The following CDH13 variants were observed in gnomAD, a reference collection of about 807,000 sequenced individuals.
The protein encoded by CDH13 is cadherin 13.
A neutral mutation model predicts 63.8 loss-of-function variants in CDH13; 24 were observed. The observed-to-expected ratio is 0.38, with a 90% CI of 0.27 to 0.53. The LOEUF (loss-of-function observed/expected upper bound fraction) is 0.53, where lower values mean the gene tolerates loss of function less well. Ranked by LOEUF, CDH13 falls within the 20% of genes least tolerant of loss-of-function variation. The pLI is 0.85. For missense variants in CDH13, 1,049 were observed against 903.1 expected, an observed-to-expected ratio of 1.16 and a Z score of -2.07; for synonymous variants, 503 against 355.3, an observed-to-expected ratio of 1.42 and a Z score of -4.67.
At chr16:82,777,916 G>T (rs1289781611) in intron 1 of CDH13, among the ~76,000 whole-genome samples, 1 of 152,118 alleles carries the variant, frequency 6.6e-6, no homozygotes, top group Non-Finnish European at 1.5e-5. Flanking sequence ...AACTTGATTC[G>T]TCAGAGAAAA....
At position 83,747,923 on chromosome 16, in the gene CDH13, C is replaced by A. The variant is rs1275237019; in HGVS notation, c.1539-185C>A. Among the ~76,000 whole-genome samples, 7 of 151,976 alleles carry A rather than the reference C, an allele frequency of 4.6e-5. 1 individual carries two copies. The highest frequency in any genetic ancestry group is 6.3e-3 in the Middle Eastern group (2 of 316). The stretch of plus-strand genomic sequence containing the variant: ...AGGCACACATGCAAAGTGCTTAACA[C>A]AAAGCAGACCCAGAGTCAGTGGCCT... On this transcript the variant is annotated intron_variant, in intron 10 of 13. Transcript: ENST00000567109.
intron 1 of CDH13, among the ~76,000 whole-genome samples, chr16:82,786,008 T>C (rs2035985742): frequency 6.6e-6 from 1 of 152,090 alleles, no homozygotes; most frequent in Admixed American, 6.5e-5. Flanking sequence ...TAATTCCGAC[T>C]GGCAAATTTA....
chr16:82,751,711 A>G, intron 1 of CDH13, among the ~76,000 whole-genome samples: 1 of 152,194 alleles, frequency 6.6e-6, no homozygotes, highest in Non-Finnish European at 1.5e-5. Context: ...GGTAAAAAAA[A>G]AAAAAAAAAG....
intron 7 of CDH13, among the ~76,000 whole-genome samples, chr16:83,530,206 T>C (rs1208558527): frequency 1.3e-5 from 2 of 152,230 alleles, no homozygotes; most frequent in Non-Finnish European, 2.9e-5. Flanking sequence ...ATAGGTTAAA[T>C]GCTTTCAATT....
chr16:83,698,483 G>C (rs1477987582), intron 10 of CDH13, among the ~76,000 whole-genome samples: 1 of 152,196 alleles, frequency 6.6e-6, no homozygotes, highest in African/African-American at 2.4e-5. Context: ...CTGGTTCCCA[G>C]TGCTGAGGCT....
chr16:83,045,421 G>C (rs866675302), intron 3 of CDH13, among the ~76,000 whole-genome samples: 1 of 151,952 alleles, frequency 6.6e-6, no homozygotes, highest in South Asian at 2.1e-4. Context: ...GGTGGATCAC[G>C]ATATCAGGAG....
At chr16:83,794,024 G>T (rs956451243) in intron 13 of CDH13, among the ~76,000 whole-genome samples, 1 of 152,140 alleles carries the variant, frequency 6.6e-6, no homozygotes, top group Non-Finnish European at 1.5e-5. Flanking sequence ...TGCCTCTGAA[G>T]ATGAAGGAAG....
chr16:82,767,572 C>A (rs968991498), intron 1 of CDH13, among the ~76,000 whole-genome samples: 1 of 152,212 alleles, frequency 6.6e-6, no homozygotes, highest in East Asian at 1.9e-4. Flanking sequence ...ATTGTGTGCT[C>A]CTGGTCCCTG....
At chr16:83,247,552 C>T (rs62040377) in intron 5 of CDH13, among the ~76,000 whole-genome samples, 10,798 of 152,024 alleles carry the variant, frequency 0.071, 414 homozygotes, top group East Asian at 0.13. Flanking sequence ...AATTAGATAT[C>T]ACTCCCCACC....
chr16:82,668,798 C>T (rs937670507), intron 1 of CDH13, among the ~76,000 whole-genome samples: 8 of 152,124 alleles, frequency 5.3e-5, no homozygotes, highest in African/African-American at 1.7e-4. Flanking sequence ...TGGGACAGAA[C>T]AGGGAAAAGC....
At chr16:82,936,992 C>T (rs535601138) in intron 2 of CDH13, among the ~76,000 whole-genome samples, 3 of 152,260 alleles carry the variant, frequency 2.0e-5, no homozygotes, top group South Asian at 2.1e-4. Context: ...AGCACGACAT[C>T]AGCACAACCA....
chr16:83,055,661 C>T (rs1349559814), intron 3 of CDH13, among the ~76,000 whole-genome samples: 1 of 151,934 alleles, frequency 6.6e-6, no homozygotes, highest in Non-Finnish European at 1.5e-5. Context: ...GTAAATTCCA[C>T]CAAACTTTTA....
At chr16:83,325,619 G>T (rs780890216) in intron 5 of CDH13, among the ~76,000 whole-genome samples, 1 of 152,122 alleles carries the variant, frequency 6.6e-6, no homozygotes, top group African/African-American at 2.4e-5. Context: ...CAGCAGCCTC[G>T]ATGTGGCCTG....
At chr16:83,277,521 C>G (rs993991369) in intron 5 of CDH13, among the ~76,000 whole-genome samples, 4 of 152,160 alleles carry the variant, frequency 2.6e-5, no homozygotes, top group Non-Finnish European at 5.9e-5. Flanking sequence ...GTGAGAATCC[C>G]TGAGACTTTT....
At chr16:83,195,567 G>A (rs2038854395) in intron 4 of CDH13, among the ~76,000 whole-genome samples, 3 of 152,064 alleles carry the variant, frequency 2.0e-5, no homozygotes, top group Non-Finnish European at 2.9e-5. Context: ...CACGAGAATA[G>A]CACTAGGAGG....
At chr16:83,533,348 G>A (rs1044387904) in intron 7 of CDH13, among the ~76,000 whole-genome samples, 3 of 152,162 alleles carry the variant, frequency 2.0e-5, no homozygotes, top group Admixed American at 6.5e-5. Flanking sequence ...GATGCCCAGA[G>A]GTGAGTCATT....
intron 8 of CDH13, among the ~76,000 whole-genome samples, chr16:83,611,928 AG>A (rs1241845582): frequency 6.6e-6 from 1 of 152,094 alleles, no homozygotes. Flanking sequence ...TTGCTTTACA[AG>A]CTCACATGTA....
chr16:83,482,826 G>A (rs1324475936), intron 6 of CDH13, among the ~76,000 whole-genome samples: 1 of 152,186 alleles, frequency 6.6e-6, no homozygotes, highest in Non-Finnish European at 1.5e-5. Flanking sequence ...TGGGCAGGGT[G>A]GGAGAAGGGA....
chr16:83,397,881 C>G (rs2091911523), intron 6 of CDH13: 1 of 152,144 alleles, frequency 6.6e-6, no homozygotes, highest in Non-Finnish European at 1.5e-5. Flanking sequence ...AAGAAATCCC[C>G]CAGAGAGAAA....
Sources: allele counts gnomAD v4.1 joint callset (sites outside exome capture counted in the v4.1 genomes callset), GRCh38; gene constraint gnomAD v4.1.1; transcripts MANE v1.5; gene names NCBI Gene and HGNC (gene_info 2026-07-23, HGNC 2026-07-21).